The following SMYD3 variants were observed in gnomAD, a reference collection of about 807,000 sequenced individuals.
The protein encoded by SMYD3 is SET and MYND domain containing 3, also known as histone-lysine N-methyltransferase SMYD3.
SMYD3 carries 36 observed loss-of-function variants against 57.7 expected under a neutral mutation model. That is an observed-to-expected ratio of 0.62 (90% confidence interval 0.48 to 0.82). The LOEUF is 0.82. Among genes scored for constraint, SMYD3 ranks in the 40% least tolerant of loss-of-function variants. SMYD3 has a pLI of 0.00. For synonymous variants in SMYD3, 211 were observed against 195.0 expected, an observed-to-expected ratio of 1.08 and a Z score of -0.68; for missense variants, 515 against 538.8, an observed-to-expected ratio of 0.96 and a Z score of 0.44.
At chr1:246,234,258 G>A (rs1258387604) in intron 5 of SMYD3, among the ~76,000 whole-genome samples, 1 of 150,702 alleles carries the variant, frequency 6.6e-6, no homozygotes, top group Non-Finnish European at 1.5e-5. Context: ...CCACACAGAG[G>A]AGAAGCACTC....
chr1:246,111,264 T>G (rs1265688365), intron 5 of SMYD3: 1 of 152,172 alleles, frequency 6.6e-6, no homozygotes, highest in Admixed American at 6.5e-5. Context: ...GATCCCATCA[T>G]AGTAATCAGT....
intron 5 of SMYD3, among the ~76,000 whole-genome samples, chr1:246,194,264 GTTTT>G (rs888463821): frequency 2.7e-5 from 4 of 148,744 alleles, no homozygotes; most frequent in African/African-American, 5.0e-5. Flanking sequence ...TTCTTGTGGG[GTTTT>G]TTTGTTTTTT....
chr1:245,888,630 T>C (rs2053213192), intron 8 of SMYD3, among the ~76,000 whole-genome samples: 1 of 152,240 alleles, frequency 6.6e-6, no homozygotes, highest in African/African-American at 2.4e-5. Flanking sequence ...ATGTTTCTTC[T>C]AGCTATTCAA....
chr1:245,859,615 C>T (rs907259017), intron 9 of SMYD3, among the ~76,000 whole-genome samples: 1 of 152,200 alleles, frequency 6.6e-6, no homozygotes, highest in Admixed American at 6.5e-5. Flanking sequence ...GACCCTGGGA[C>T]CTCGCAGTTT....
chr1:246,252,980 G>A (rs1191117544), intron 5 of SMYD3, among the ~76,000 whole-genome samples: 1 of 152,110 alleles, frequency 6.6e-6, no homozygotes, highest in Admixed American at 6.6e-5. Flanking sequence ...CCATGTGATG[G>A]CAATACTCAA....
chr1:245,765,600 G>A lies in SMYD3; in HGVS notation c.1077-1451C>T, dbSNP rs144584215. On this transcript the variant is annotated intron_variant, in intron 10 of 11. Coordinates refer to ENST00000490107, the MANE Select transcript of SMYD3 (RefSeq NM_001167740.2). ...TTGTGAAGACAAAGAGGTGACTGATGGTTGGTTGGACTGGGGAAGGCTTCC... is the reference window on the plus strand; with the variant it reads ...TTGTGAAGACAAAGAGGTGACTGATAGTTGGTTGGACTGGGGAAGGCTTCC... Among the ~76,000 whole-genome samples the A allele has an allele frequency of 3.4e-3, 516 of 152,242 alleles. 3 individuals carry two copies. Among genetic ancestry groups the A allele is most frequent in the African/African-American group, 0.012 (498 of 41,548 alleles).
chr1:246,108,474 A>G (rs1271796191), intron 5 of SMYD3, among the ~76,000 whole-genome samples: 1 of 152,146 alleles, frequency 6.6e-6, no homozygotes, highest in Non-Finnish European at 1.5e-5. Flanking sequence ...CTCTTCAACA[A>G]TCTTTGCTTT....
intron 5 of SMYD3, among the ~76,000 whole-genome samples, chr1:246,276,215 G>A (rs961793344): frequency 8.0e-6 from 1 of 124,828 alleles, no homozygotes; most frequent in African/African-American, 2.8e-5. Context: ...ACACTGGCAA[G>A]TTATTTAATG....
At chr1:245,823,559 C>T (rs12044213) in intron 10 of SMYD3, among the ~76,000 whole-genome samples, 34,686 of 152,138 alleles carry the variant, frequency 0.23, 5,526 homozygotes, top group African/African-American at 0.44. Flanking sequence ...GCAGGATTTA[C>T]CAAATTCAGC....
intron 10 of SMYD3, among the ~76,000 whole-genome samples, chr1:245,801,925 A>T (rs527297334): frequency 9.2e-4 from 140 of 152,160 alleles, no homozygotes; most frequent in East Asian, 8.5e-3. Flanking sequence ...CCAAAAAAAA[A>T]AACCTTTGAG....
intron 5 of SMYD3, among the ~76,000 whole-genome samples, chr1:245,994,835 T>C (rs2058890284): frequency 6.6e-6 from 1 of 151,402 alleles, no homozygotes; most frequent in South Asian, 2.1e-4. Flanking sequence ...ACAGGTAAAA[T>C]CTAACCTTCG....
intron 5 of SMYD3, among the ~76,000 whole-genome samples, chr1:246,109,084 C>A (rs900529493): frequency 6.6e-6 from 1 of 152,086 alleles, no homozygotes; most frequent in African/African-American, 2.4e-5. Flanking sequence ...AGACTGTGAG[C>A]CCCTGGAGTT....
intron 5 of SMYD3, among the ~76,000 whole-genome samples, chr1:245,937,511 C>T (rs1363319481): frequency 6.6e-6 from 1 of 152,204 alleles, no homozygotes; most frequent in Non-Finnish European, 1.5e-5. Context: ...AAGCACTTAC[C>T]ACAGATGTCT....
intron 10 of SMYD3, among the ~76,000 whole-genome samples, chr1:245,797,338 T>C (rs1447294601): frequency 1.3e-5 from 2 of 152,114 alleles, no homozygotes; most frequent in African/African-American, 4.8e-5. Flanking sequence ...CATGGAATAC[T>C]ATGCAGCCAC....
intron 8 of SMYD3, among the ~76,000 whole-genome samples, chr1:245,873,845 T>C (rs2052351228): frequency 6.6e-6 from 1 of 152,180 alleles, no homozygotes; most frequent in Admixed American, 6.5e-5. Context: ...GAAGTGGAAC[T>C]AAGGAGGCCG....
chr1:246,178,566 G>C (rs910857499), intron 5 of SMYD3, among the ~76,000 whole-genome samples: 1 of 152,146 alleles, frequency 6.6e-6, no homozygotes, highest in Non-Finnish European at 1.5e-5. Flanking sequence ...ACAAGCAAAT[G>C]AATGAATGGA....
chr1:245,817,272 C>G (rs932683164), intron 10 of SMYD3, among the ~76,000 whole-genome samples: 1 of 143,906 alleles, frequency 6.9e-6, no homozygotes. Context: ...GGGAGGCACC[C>G]CCCAGCAGGG....
At chr1:246,171,470 T>G (rs1043824473) in intron 5 of SMYD3, among the ~76,000 whole-genome samples, 2 of 152,114 alleles carry the variant, frequency 1.3e-5, no homozygotes, top group African/African-American at 4.8e-5. Flanking sequence ...TCATGTCTTC[T>G]TAACAGAGAC....
intron 10 of SMYD3, among the ~76,000 whole-genome samples, chr1:245,773,159 C>A (rs115240476): frequency 0.041 from 5,638 of 136,040 alleles, 366 homozygotes; most frequent in African/African-American, 0.14. Context: ...AACAAACAAA[C>A]AAAAAAACAG....
Sources: gnomAD v4.1 joint callset for allele counts (sites outside exome capture counted in the v4.1 genomes callset) on GRCh38, gnomAD v4.1.1 for gene constraint, MANE v1.5 for transcripts, NCBI Gene and HGNC (gene_info 2026-07-23, HGNC 2026-07-21) for gene names.